Variants in C18orf54 observed in about 807,000 individuals in gnomAD.
The protein encoded by C18orf54 is chromosome 18 open reading frame 54, also known as lung adenoma susceptibility protein 2.
Under a neutral mutation model 49.3 loss-of-function variants are expected in C18orf54, and 49 were observed. That is an observed-to-expected ratio of 0.99 (90% CI 0.79 to 1.26). The LOEUF (loss-of-function observed/expected upper bound fraction) is 1.26. Among genes scored for constraint, C18orf54 ranks in the 50% most tolerant of loss-of-function variants. The pLI is 0.00. For synonymous variants in C18orf54, 211 were observed against 216.6 expected (o/e 0.97, Z 0.23); for missense variants, 687 against 620.6 (o/e 1.11, Z -1.14).
Position 54,378,342 on chromosome 18 carries a change from A to T in C18orf54, c.*96A>T, listed in dbSNP as rs1038687113. ...AACTGACAAAGTAAATATAAGCCATACATTATTTTGTGGTTGGTTCAAGGA... is the reference window on the plus strand; with the variant it reads ...AACTGACAAAGTAAATATAAGCCATTCATTATTTTGTGGTTGGTTCAAGGA... On this transcript the variant is annotated 3_prime_UTR_variant, in exon 9 of 9. Transcript: ENST00000620105. The T allele has an allele frequency of 1.5e-5, 17 of 1,101,416 alleles. 1 individual carries two copies. The highest frequency in any genetic ancestry group is 2.3e-5 in the Non-Finnish European group (17 of 753,138). The allele number at this position is 1,101,416 out of a possible 1,614,324, so 68.2% of individuals were successfully genotyped here.
At position 54,362,274 on chromosome 18, in the gene C18orf54, A is replaced by G. The variant is rs2089287245; in HGVS notation, c.915A>G (p.Lys305=). The part of the protein sequence containing the change: ...QAQGTSRLIN[K]LDCFEYAFEP... ...AAGGAACTTCTCGGCTTATCAATAAATTAGATTGTTTTGAATATGCTTTTG... is the reference window on the plus strand; with the variant it reads ...AAGGAACTTCTCGGCTTATCAATAAGTTAGATTGTTTTGAATATGCTTTTG... Residue 305 remains lysine, a synonymous_variant, in exon 4 of 9, where the codon AAA becomes AAG. Transcript: ENST00000620105. The G allele has an allele frequency of 1.3e-6, 2 of 1,536,306 alleles. No individual in the cohort carries two copies. The highest frequency in any genetic ancestry group is 8.7e-7 in the Non-Finnish European group (1 of 1,146,960).
In C18orf54 at chr18:54,379,898, C is replaced by G. The variant is rs1316672817; in HGVS notation, c.*1652C>G. The stretch of plus-strand genomic sequence containing the variant: ...GCCTGGAAATTATGACTGAAAAGCA[C>G]CTATTCGGTTAGTGCTCCTATTCAT... On this transcript the variant is annotated 3_prime_UTR_variant, in exon 9 of 9. Coordinates refer to ENST00000620105, the MANE Select transcript of C18orf54 (RefSeq NM_001288980.2). 1 of 151,932 alleles carries G rather than the reference C, an allele frequency of 6.6e-6. No homozygotes were observed. The highest frequency in any genetic ancestry group is 1.5e-5 in the Non-Finnish European group (1 of 67,908). 9.4% of individuals were successfully genotyped at this position (151,932 alleles called of 1,614,324 possible).
chr18:54,361,184 G>A (rs2089261758), intron 3 of C18orf54, among the ~76,000 whole-genome samples: 1 of 152,176 alleles, frequency 6.6e-6, no homozygotes, highest in African/African-American at 2.4e-5. Flanking sequence ...GAGGGATGTG[G>A]TCAATATATT....
intron 7 of C18orf54, among the ~76,000 whole-genome samples, chr18:54,373,740 C>T (rs2144750281): frequency 6.6e-6 from 1 of 151,858 alleles, no homozygotes; most frequent in South Asian, 2.1e-4. Context: ...AATGATGGCT[C>T]ATTGTTTTAT....
chr18:54,364,618 T>A (rs2089342904), intron 5 of C18orf54, among the ~76,000 whole-genome samples: 1 of 152,076 alleles, frequency 6.6e-6, no homozygotes, highest in Non-Finnish European at 1.5e-5. Context: ...CACAATCAGA[T>A]CATTGCTTTT....
At position 54,361,670 on chromosome 18, in the gene C18orf54, A is replaced by G. The variant is rs772435355; in HGVS notation, c.311A>G (p.His104Arg). 6.3e-7 allele frequency: 1 copy of G among 1,593,806 alleles called. No individual in the cohort carries two copies. Among genetic ancestry groups the G allele is most frequent in the Non-Finnish European group, 8.5e-7 (1 of 1,172,312 alleles). ...NAFENLDHKK[H>R]SNFISCRRHT... ...TTTGAAAACCTTGATCACAAAAAGCACTCAAACTTCATATCCTGTAGAAGA... is the reference window on the plus strand; with the variant it reads ...TTTGAAAACCTTGATCACAAAAAGCGCTCAAACTTCATATCCTGTAGAAGA... The change falls in exon 4 of 9, where the codon CAC (histidine) becomes CGC (arginine). Residue 104 changes from histidine (H) to arginine (R), a missense_variant. Transcript: ENST00000620105.
intron 8 of C18orf54, among the ~76,000 whole-genome samples, chr18:54,375,155 C>G (rs1048562677): frequency 2.0e-5 from 3 of 151,700 alleles, no homozygotes; most frequent in African/African-American, 7.3e-5. Flanking sequence ...TGTTTCATAC[C>G]TAATAGAATT....
Position 54,372,550 on chromosome 18 carries a change from C to G in C18orf54, c.1411C>G (p.Arg471Gly). The change falls in exon 7 of 9, where the codon CGT (arginine) becomes GGT (glycine). Residue 471 changes from arginine to glycine, a missense_variant. By Grantham distance (125) the Arg-to-Gly change is moderately radical. Coordinates refer to ENST00000620105, the MANE Select transcript of C18orf54 (RefSeq NM_001288980.2). ...ATTTAACCTTCAAGCAGTACAAGAA[C>G]GTTTTAATCAAAATAAGACCACAGA... ...MLFNLQAVQERFNQNKTTDPK... is the reference protein window; with the variant it reads ...MLFNLQAVQEGFNQNKTTDPK... 1 of 1,609,632 alleles carries G rather than the reference C, an allele frequency of 6.2e-7. No homozygotes were observed. Among genetic ancestry groups the G allele is most frequent in the Admixed American group, 1.7e-5 (1 of 59,820 alleles).
In C18orf54 at chr18:54,357,958, T is replaced by G. The variant is rs1166363944; in HGVS notation, c.-261T>G. 1.3e-5 allele frequency: 2 copies of G among 152,492 alleles called. No individual in the cohort carries two copies. Among genetic ancestry groups the G allele is most frequent in the South Asian group, 2.1e-4 (1 of 4,834 alleles). 9.4% of individuals were successfully genotyped at this position (152,492 alleles called of 1,614,324 possible). ...CGCGGGTGTCGAGCTCTGCTGTGAC[T>G]GCGGAGGAAGCTGCGAGTGAGCCGA... On this transcript the variant is annotated 5_prime_UTR_variant, in exon 1 of 9. Transcript: ENST00000620105.
At chr18:54,359,392 T>A (rs2144712725) in intron 2 of C18orf54, among the ~76,000 whole-genome samples, 1 of 152,346 alleles carries the variant, frequency 6.6e-6, no homozygotes, top group East Asian at 1.9e-4. Context: ...ACGAAACAAC[T>A]GTTACCTTAT....
chr18:54,374,178 T>G, intron 7 of C18orf54, 36 bp from the exon 8 acceptor site: 1 of 1,438,810 alleles, frequency 7.0e-7, no homozygotes, highest in East Asian at 2.5e-5. Context: ...TTATATAATT[T>G]TAATATTTTG....
chr18:54,364,684 A>G (rs540397325), intron 5 of C18orf54, among the ~76,000 whole-genome samples: 1 of 138,626 alleles, frequency 7.2e-6, no homozygotes, highest in East Asian at 2.1e-4. Context: ...GTAGAATAGC[A>G]TAATGAACCT....
chr18:54,360,553 CA>C lies in C18orf54; in HGVS notation c.-18del, dbSNP rs748904824. On this transcript the variant is annotated 5_prime_UTR_variant, in exon 3 of 9. It removes the in-frame stop codon of an upstream open reading frame in the 5' UTR. Transcript: ENST00000620105. Reference sequence around the variant, plus strand: ...TGTTTTTAAGGGAAATGAATAGAAACAATCCACTTTGAAGAAGCCATGGCGA... The same window carrying C: ...TGTTTTTAAGGGAAATGAATAGAAACATCCACTTTGAAGAAGCCATGGCGA... 512 of 1,610,128 alleles carry C rather than the reference CA, an allele frequency of 3.2e-4. No homozygotes were observed. The highest frequency in any genetic ancestry group is 8.2e-4 in the Middle Eastern group (5 of 6,072).
rs947967625 is a variant in C18orf54, at chr18:54,379,930, A to G, written c.*1684A>G. ...GGTTAGTGCTCCTATTCATGAGAAC[A>G]TATCTCCAATACTAAATGAGATAAG... On this transcript the variant is annotated 3_prime_UTR_variant, in exon 9 of 9. Transcript: ENST00000620105. The G allele has an allele frequency of 2.6e-5, 4 of 152,272 alleles. No homozygotes were observed. In the South Asian group the frequency reaches 6.2e-4, roughly 24 times the overall value. 9.4% of individuals were successfully genotyped at this position (152,272 alleles called of 1,614,324 possible).
In C18orf54 at chr18:54,360,581, A is replaced by G. The variant is rs2089245180; in HGVS notation, c.9A>G (p.Lys3=). Residue 3 remains lysine, a synonymous_variant, in exon 3 of 9, where the codon AAA becomes AAG. Transcript: ENST00000620105. ...TCCACTTTGAAGAAGCCATGGCGAA[A>G]TCAAAGACAAAACATAGACTTTGTT... MA[K]SKTKHRLCSQ... is the part of the protein sequence containing the mutation. 1.2e-6 allele frequency: 2 copies of G among 1,613,606 alleles called. No individual in the cohort carries two copies.
chr18:54,373,961 A>G (rs1022132422), intron 7 of C18orf54, among the ~76,000 whole-genome samples: 6 of 151,900 alleles, frequency 3.9e-5, no homozygotes, highest in African/African-American at 1.2e-4. Context: ...CAATAAAGTC[A>G]TAATTTTAAG....
At chr18:54,365,874 T>A (rs867197636) in intron 6 of C18orf54, 53 bp downstream of exon 6, 1 of 1,033,208 alleles carries the variant, frequency 9.7e-7, no homozygotes, top group Middle Eastern at 3.3e-4. Context: ...GAATAATATG[T>A]AGATACTAAT....
chr18:54,364,888 T>A (rs1364909575), intron 5 of C18orf54, among the ~76,000 whole-genome samples: 2 of 152,022 alleles, frequency 1.3e-5, no homozygotes, highest in Non-Finnish European at 2.9e-5. Context: ...AAAAAAAGAT[T>A]CTTAGATATC....
At chr18:54,365,607 T>A (rs187867814) in intron 5 of C18orf54, 112 bp from the exon 6 acceptor site, 20 of 561,364 alleles carry the variant, frequency 3.6e-5, no homozygotes, top group Non-Finnish European at 5.8e-5. Context: ...TCCATGATGA[T>A]TATTTCTTGG....
Sources: gnomAD v4.1 joint callset for allele counts (sites outside exome capture counted in the v4.1 genomes callset) on GRCh38, gnomAD v4.1.1 for gene constraint, MANE v1.5 for transcripts, NCBI Gene and HGNC (gene_info 2026-07-23, HGNC 2026-07-21) for gene names.